The following CTNNA2 variants were observed in gnomAD, a reference collection of about 807,000 sequenced individuals.
CTNNA2 encodes catenin alpha 2.
A neutral mutation model predicts 101.0 loss-of-function variants in CTNNA2; 42 were observed. That is an observed-to-expected ratio of 0.42 (90% CI 0.32 to 0.54). The LOEUF (loss-of-function observed/expected upper bound fraction) is 0.54. Among genes scored for constraint, CTNNA2 ranks in the 20% least tolerant of loss-of-function variants. The pLI, the probability that CTNNA2 is intolerant of heterozygous loss-of-function variation, is 0.14. For synonymous variants in CTNNA2, 450 were observed against 456.4 expected, an observed-to-expected ratio of 0.99 and a Z score of 0.18; for missense variants, 871 against 1,223.1, an observed-to-expected ratio of 0.71 and a Z score of 4.29.
chr2:80,483,337 C>G (rs2149503399), intron 9 of CTNNA2, among the ~76,000 whole-genome samples: 2 of 149,150 alleles, frequency 1.3e-5, no homozygotes, highest in Non-Finnish European at 3.0e-5. Flanking sequence ...TTTGCAGTCT[C>G]TTTTTGTCCA....
intron 6 of CTNNA2, among the ~76,000 whole-genome samples, chr2:79,899,635 C>T (rs949145962): frequency 6.6e-6 from 1 of 152,190 alleles, no homozygotes; most frequent in Admixed American, 6.5e-5. Flanking sequence ...AAGTCATTAT[C>T]TTTGTCATTT....
At chr2:80,054,120 T>G (rs965224491) in intron 7 of CTNNA2, among the ~76,000 whole-genome samples, 1 of 152,188 alleles carries the variant, frequency 6.6e-6, no homozygotes. Flanking sequence ...CTCTTTACGT[T>G]GTATGCCACT....
chr2:79,581,819 G>A (rs960502288), intron 1 of CTNNA2, among the ~76,000 whole-genome samples: 1 of 152,154 alleles, frequency 6.6e-6, no homozygotes, highest in Non-Finnish European at 1.5e-5. Flanking sequence ...TCAAATAAAT[G>A]TTTTAAATTC....
chr2:80,097,825 C>T (rs1393715418), intron 7 of CTNNA2, among the ~76,000 whole-genome samples: 2 of 152,200 alleles, frequency 1.3e-5, no homozygotes, highest in East Asian at 1.9e-4. Context: ...GCATTCGTCA[C>T]GTAGTTCTCG....
At chr2:80,579,875 T>C (rs1171832497) in intron 13 of CTNNA2, among the ~76,000 whole-genome samples, 2 of 152,182 alleles carry the variant, frequency 1.3e-5, no homozygotes, top group African/African-American at 2.4e-5. Flanking sequence ...ATGTGCCCTT[T>C]TGGATGGGGA....
chr2:79,398,038 T>C (rs973866835), intron 4 of CTNNA2, among the ~76,000 whole-genome samples: 9 of 152,174 alleles, frequency 5.9e-5, no homozygotes, highest in African/African-American at 1.9e-4. Context: ...ACCAGAAAGC[T>C]TCTAGTTAAA....
chr2:79,537,663 G>A lies in CTNNA2; in HGVS notation c.-6+24456G>A, dbSNP rs557325602. On this transcript the variant is annotated intron_variant, in intron 1 of 18. Transcript: ENST00000402739. ...CAGTAGCAAAGGCTGCTTGCTGCCCGCACTATGTAAAAGTAGAATGCAGAA... is the reference window on the plus strand; with the variant it reads ...CAGTAGCAAAGGCTGCTTGCTGCCCACACTATGTAAAAGTAGAATGCAGAA... Among the ~76,000 whole-genome samples, 206 of 152,206 alleles carry A rather than the reference G, an allele frequency of 1.4e-3. 1 individual carries two copies. The highest frequency in any genetic ancestry group is 2.6e-3 in the Non-Finnish European group (175 of 68,006).
At chr2:80,411,485 T>C in intron 8 of CTNNA2, among the ~76,000 whole-genome samples, 1 of 152,180 alleles carries the variant, frequency 6.6e-6, no homozygotes. Flanking sequence ...TTCTTCTTTT[T>C]GGTCTTACTA....
chr2:80,018,595 T>G (rs1411378585), intron 7 of CTNNA2, among the ~76,000 whole-genome samples: 1 of 152,060 alleles, frequency 6.6e-6, no homozygotes, highest in African/African-American at 2.4e-5. Context: ...GCTAACACAG[T>G]GAAACCCTGT....
chr2:80,188,661 T>C (rs72815709), intron 7 of CTNNA2, among the ~76,000 whole-genome samples: 3,694 of 152,286 alleles, frequency 0.024, 74 homozygotes, highest in Non-Finnish European at 0.04. Flanking sequence ...CCTGTGACAG[T>C]AAGACAAGTC....
chr2:79,990,194 A>G (rs1692069048), intron 7 of CTNNA2, among the ~76,000 whole-genome samples: 1 of 152,166 alleles, frequency 6.6e-6, no homozygotes. Flanking sequence ...GGGAGAACTC[A>G]GGAAGCAGCG....
At chr2:80,483,326 A>T (rs1477732807) in intron 9 of CTNNA2, among the ~76,000 whole-genome samples, 1 of 148,930 alleles carries the variant, frequency 6.7e-6, no homozygotes, top group Admixed American at 6.7e-5. Flanking sequence ...TAATCAGATG[A>T]TTTGCAGTCT....
chr2:79,314,624 G>A (rs920072050), intron 3 of CTNNA2, among the ~76,000 whole-genome samples: 1 of 152,148 alleles, frequency 6.6e-6, no homozygotes, highest in Non-Finnish European at 1.5e-5. Context: ...CCAAAGTCTT[G>A]TTTTGGTCTA....
chr2:79,310,617 G>A (rs1676345506), intron 2 of CTNNA2, among the ~76,000 whole-genome samples: 1 of 152,172 alleles, frequency 6.6e-6, no homozygotes, highest in Non-Finnish European at 1.5e-5. Flanking sequence ...AAACTTGGGT[G>A]CTGCAACCAA....
In CTNNA2 at chr2:80,450,029, T is replaced by C. The variant is rs183995144; in HGVS notation, c.1290+30428T>C. ...AGGTGTGCATTGGTTTATACATATC[T>C]CCTCTTCTCTTAATGCAAAGCTATG... On this transcript the variant is annotated intron_variant, in intron 9 of 18. Coordinates refer to ENST00000402739, the MANE Select transcript of CTNNA2 (RefSeq NM_001282597.3). Among the ~76,000 whole-genome samples the C allele has an allele frequency of 1.2e-3, 180 of 152,294 alleles. 1 individual carries two copies. The highest frequency in any genetic ancestry group is 1.9e-3 in the Non-Finnish European group (128 of 68,024).
At chr2:80,081,731 ATC>A (rs141997672) in intron 7 of CTNNA2, among the ~76,000 whole-genome samples, 78 of 143,510 alleles carry the variant, frequency 5.4e-4, no homozygotes, top group Middle Eastern at 3.5e-3. Flanking sequence ...CGCTAAGACA[ATC>A]TCTCTCTCTC....
At chr2:79,242,892 G>A (rs1338493409) in intron 2 of CTNNA2, among the ~76,000 whole-genome samples, 1 of 151,318 alleles carries the variant, frequency 6.6e-6, no homozygotes, top group Admixed American at 6.6e-5. Context: ...TCGTTGAGGG[G>A]GGAGTATGAG....
At chr2:79,821,786 ACCTGGTTGGAATGTTTC>A (rs1460627700) in intron 3 of CTNNA2, among the ~76,000 whole-genome samples, 2 of 152,148 alleles carry the variant, frequency 1.3e-5, no homozygotes, top group African/African-American at 4.8e-5. Flanking sequence ...TGGAACAAGA[ACCTGGTTGGAATGTTTC>A]TTAACTGGTG....
chr2:79,687,644 CT>C (rs1684024429), intron 2 of CTNNA2: 1 of 665,778 alleles, frequency 1.5e-6, no homozygotes, highest in Non-Finnish European at 2.7e-6. Flanking sequence ...AAAAGGATAC[CT>C]GTTGAATTGG....
Sources: gnomAD v4.1 joint callset for allele counts (sites outside exome capture counted in the v4.1 genomes callset) on GRCh38, gnomAD v4.1.1 for gene constraint, MANE v1.5 for transcripts, NCBI Gene and HGNC (gene_info 2026-07-23, HGNC 2026-07-21) for gene names.